Variants in ARFIP1 observed in about 807,000 individuals in gnomAD.
The protein encoded by ARFIP1 is ARF interacting protein 1.
A neutral mutation model predicts 42.5 loss-of-function variants in ARFIP1; 24 were observed. That is an observed-to-expected ratio of 0.57 (90% CI 0.41 to 0.80). The LOEUF (loss-of-function observed/expected upper bound fraction) is 0.80, where lower values mean the gene tolerates loss of function less well. ARFIP1 is among the 30% of genes least tolerant of loss of function. ARFIP1 has a pLI of 0.00. For synonymous variants in ARFIP1, 141 were observed against 153.7 expected, an observed-to-expected ratio of 0.92 and a Z score of 0.61; for missense variants, 354 against 434.0, an observed-to-expected ratio of 0.82 and a Z score of 1.64.
At chr4:152,909,560 G>A (rs147103583) in intron 8 of ARFIP1, among the ~76,000 whole-genome samples, 91 of 152,232 alleles carry the variant, frequency 6.0e-4, no homozygotes, top group African/African-American at 2.0e-3. Flanking sequence ...TCATATGAGC[G>A]TTAAGTAAAT....
intron 2 of ARFIP1, among the ~76,000 whole-genome samples, chr4:152,859,479 A>T (rs555842553): frequency 6.6e-6 from 1 of 152,262 alleles, no homozygotes; most frequent in South Asian, 2.1e-4. Context: ...ATATAGAGTG[A>T]TGTTCTTCAG....
chr4:152,801,986 T>C (rs1394030806), intron 1 of ARFIP1, among the ~76,000 whole-genome samples: 5 of 152,328 alleles, frequency 3.3e-5, no homozygotes, highest in African/African-American at 1.2e-4. Context: ...TGGTTAGTTC[T>C]GCAATTTCAT....
chr4:152,863,525 A>T, intron 2 of ARFIP1, 81 bp from the exon 3 acceptor site: 1 of 770,298 alleles, frequency 1.3e-6, no homozygotes, highest in Non-Finnish European at 2.2e-6. Flanking sequence ...AGATTTGATT[A>T]AAAGGATACA....
intron 5 of ARFIP1, among the ~76,000 whole-genome samples, chr4:152,879,953 T>C (rs1475543072): frequency 6.6e-6 from 1 of 152,250 alleles, no homozygotes; most frequent in Non-Finnish European, 1.5e-5. Flanking sequence ...GCCCCAGTTA[T>C]TCTTAAAATG....
chr4:152,882,392 C>T (rs1208542102), intron 6 of ARFIP1, among the ~76,000 whole-genome samples: 1 of 152,092 alleles, frequency 6.6e-6, no homozygotes, highest in Non-Finnish European at 1.5e-5. Flanking sequence ...TAATAATCTG[C>T]TCTATTTTTC....
chr4:152,811,191 C>T (rs1029815249), intron 1 of ARFIP1, among the ~76,000 whole-genome samples: 1 of 142,338 alleles, frequency 7.0e-6, no homozygotes, highest in South Asian at 2.2e-4. Context: ...TGAATGCCTT[C>T]TGTGTGCCGG....
At chr4:152,826,930 G>A (rs1387499120) in intron 1 of ARFIP1, among the ~76,000 whole-genome samples, 3 of 152,106 alleles carry the variant, frequency 2.0e-5, no homozygotes, top group South Asian at 2.1e-4. Context: ...AGCCAATCAC[G>A]AAAAGATAAA....
At chr4:152,865,163 A>T (rs922104947) in intron 3 of ARFIP1, among the ~76,000 whole-genome samples, 1 of 151,524 alleles carries the variant, frequency 6.6e-6, no homozygotes, top group African/African-American at 2.4e-5. Context: ...TTAAAGATGT[A>T]GTCTCACTCT....
Position 152,867,482 on chromosome 4 carries a change from C to T in ARFIP1, c.203-3271C>T, listed in dbSNP as rs888496790. Among the ~76,000 whole-genome samples, 4 of 151,660 alleles carry T rather than the reference C, an allele frequency of 2.6e-5. No individual in the cohort carries two copies. The South Asian group carries it at 6.3e-4, about 24-fold the overall frequency. ...CTTCTGCTCGGCATCAGAGGGAGACCGTGGAAAGAGAGGGAGAGGGAGACC... is the reference window on the plus strand; with the variant it reads ...CTTCTGCTCGGCATCAGAGGGAGACTGTGGAAAGAGAGGGAGAGGGAGACC... On this transcript the variant is annotated intron_variant, in intron 3 of 8. Coordinates refer to ENST00000353617, the MANE Select transcript of ARFIP1 (RefSeq NM_001025595.3).
chr4:152,844,263 T>A (rs1732358639), intron 2 of ARFIP1, among the ~76,000 whole-genome samples: 1 of 152,216 alleles, frequency 6.6e-6, no homozygotes. Context: ...TCACAGTACT[T>A]GAGGTGTCTC....
intron 2 of ARFIP1, among the ~76,000 whole-genome samples, chr4:152,831,949 A>G (rs7666442): frequency 0.055 from 7,739 of 141,962 alleles, 256 homozygotes; most frequent in South Asian, 0.13. Flanking sequence ...CCCCCCGAGT[A>G]TTTCAGTGTT....
At chr4:152,827,202 C>A (rs926506924) in intron 1 of ARFIP1, among the ~76,000 whole-genome samples, 3 of 152,078 alleles carry the variant, frequency 2.0e-5, no homozygotes, top group Non-Finnish European at 2.9e-5. Flanking sequence ...AATCTAGGAA[C>A]AATTCTTTCA....
intron 8 of ARFIP1, among the ~76,000 whole-genome samples, chr4:152,892,260 T>C (rs949728019): frequency 6.6e-6 from 1 of 152,218 alleles, no homozygotes; most frequent in African/African-American, 2.4e-5. Context: ...TGTGCTGTTC[T>C]GTAATTTGAT....
At chr4:152,894,903 A>G (rs1737182991) in intron 8 of ARFIP1, among the ~76,000 whole-genome samples, 1 of 152,218 alleles carries the variant, frequency 6.6e-6, no homozygotes, top group African/African-American at 2.4e-5. Flanking sequence ...ATGTTGAGAA[A>G]GTGAGAAACT....
chr4:152,889,704 GTATATATACACTAATATATAC>G (rs1459391439), intron 8 of ARFIP1, among the ~76,000 whole-genome samples: 36 of 118,896 alleles, frequency 3.0e-4, no homozygotes, highest in African/African-American at 1.2e-3. Context: ...ACTATATATA[GTATATATACACTAATATATAC>G]TATATATACT....
At chr4:152,808,470 TGTG>T (rs1729187676) in intron 1 of ARFIP1, among the ~76,000 whole-genome samples, 1 of 151,502 alleles carries the variant, frequency 6.6e-6, no homozygotes, top group Non-Finnish European at 1.5e-5. Flanking sequence ...TTAATGGACA[TGTG>T]TATTTATATT....
intron 2 of ARFIP1, among the ~76,000 whole-genome samples, chr4:152,841,787 G>A (rs1732097320): frequency 6.6e-6 from 1 of 152,058 alleles, no homozygotes; most frequent in Non-Finnish European, 1.5e-5. Context: ...TCCTTTATAG[G>A]TAACCTTGTG....
chr4:152,895,170 G>A (rs1395580415), intron 8 of ARFIP1, among the ~76,000 whole-genome samples: 2 of 152,184 alleles, frequency 1.3e-5, no homozygotes, highest in African/African-American at 4.8e-5. Flanking sequence ...ATAGATCTTA[G>A]TAGGGCCTAA....
intron 1 of ARFIP1, among the ~76,000 whole-genome samples, chr4:152,819,377 C>T (rs575737381): frequency 2.0e-5 from 3 of 152,280 alleles, no homozygotes; most frequent in South Asian, 2.1e-4. Flanking sequence ...TTCAGAAAGG[C>T]AACACACTAA....
Sources: gnomAD v4.1 joint callset for allele counts (sites outside exome capture counted in the v4.1 genomes callset) on GRCh38, gnomAD v4.1.1 for gene constraint, MANE v1.5 for transcripts, NCBI Gene and HGNC (gene_info 2026-07-23, HGNC 2026-07-21) for gene names.